The following CHSY3 variants were observed in gnomAD, a reference collection of about 807,000 sequenced individuals.
The protein encoded by CHSY3 is chondroitin sulfate synthase 3.
A neutral mutation model predicts 67.2 loss-of-function variants in CHSY3; 35 were observed. That is an observed-to-expected ratio of 0.52 (90% CI 0.40 to 0.69). The LOEUF (loss-of-function observed/expected upper bound fraction) is 0.69, where lower values mean the gene tolerates loss of function less well. CHSY3 is among the 30% of genes least tolerant of loss of function. The pLI is 0.00. For synonymous variants in CHSY3, 474 were observed against 434.7 expected, an observed-to-expected ratio of 1.09 and a Z score of -1.12; for missense variants, 1,069 against 1,138.5, an observed-to-expected ratio of 0.94 and a Z score of 0.88.
rs1007671970 is a variant in CHSY3 at position 130,167,950 on chromosome 5, G to A, written c.1087-16279G>A. Among the ~76,000 whole-genome samples, 3 of 152,046 alleles carry A rather than the reference G, an allele frequency of 2.0e-5. 1 individual carries two copies. Among genetic ancestry groups the A allele is most frequent in the African/African-American group, 7.2e-5 (3 of 41,420 alleles). ...CCAATATCAGACTGGGAATGGAAGA[G>A]CAGGTCTCAAAACCAAACCTGTGAC... On this transcript the variant is annotated intron_variant, in intron 2 of 2. Coordinates refer to ENST00000305031, the MANE Select transcript of CHSY3 (RefSeq NM_175856.5).
intron 2 of CHSY3, among the ~76,000 whole-genome samples, chr5:129,956,062 C>T (rs1762163057): frequency 6.6e-6 from 1 of 152,078 alleles, no homozygotes; most frequent in South Asian, 2.1e-4. Flanking sequence ...AATGGGATTG[C>T]TGGGTTGAAG....
intron 2 of CHSY3, among the ~76,000 whole-genome samples, chr5:130,008,548 G>A (rs1161379570): frequency 1.3e-5 from 2 of 152,142 alleles, no homozygotes; most frequent in African/African-American, 2.4e-5. Flanking sequence ...AGGAATCCTG[G>A]CAACTCTAAA....
At chr5:130,140,571 T>C (rs905938603) in intron 2 of CHSY3, 5 of 537,118 alleles carry the variant, frequency 9.3e-6, no homozygotes, top group African/African-American at 2.0e-5. Context: ...CTACTGCTTA[T>C]AGACAAAAAG....
chr5:130,018,734 T>C (rs1422675678), intron 2 of CHSY3, among the ~76,000 whole-genome samples: 4 of 152,202 alleles, frequency 2.6e-5, no homozygotes, highest in Non-Finnish European at 5.9e-5. Flanking sequence ...CGTTGAAATT[T>C]GATCCCTAGT....
chr5:129,985,973 C>T (rs897243911), intron 2 of CHSY3, among the ~76,000 whole-genome samples: 19 of 151,940 alleles, frequency 1.3e-4, no homozygotes, highest in Non-Finnish European at 1.9e-4. Flanking sequence ...ATATTATCTG[C>T]GAAGAGAGAT....
At position 129,908,268 on chromosome 5, in the gene CHSY3, T is replaced by A. The variant is rs1452949532; in HGVS notation, c.994T>A (p.Cys332Ser). 1 of 1,614,092 alleles carries A rather than the reference T, an allele frequency of 6.2e-7. No homozygotes were observed. The highest frequency in any genetic ancestry group is 2.2e-5 in the East Asian group (1 of 44,876). ...LRRMVPHIGE[C>S]LREMYTTHED... ...GAGGATGGTGCCACATATTGGTGAA[T>A]GCCTTAGAGAAATGTACACGACTCA... Residue 332 changes from cysteine (C) to serine (S), a missense_variant, in exon 2 of 3, where the codon TGC becomes AGC. Coordinates refer to ENST00000305031, the MANE Select transcript of CHSY3 (RefSeq NM_175856.5).
Position 129,905,319 on chromosome 5 carries a change from G to A in CHSY3, c.490G>A (p.Ala164Thr), listed in dbSNP as rs180709680. Residue 164 changes from alanine to threonine, a missense_variant, in exon 1 of 3, where the codon GCC becomes ACC. Physicochemically the swap from Ala to Thr is moderately conservative, Grantham distance 58. This residue lies in a region of CHSY3 where 309 missense variants were observed against 262.5 expected (regional missense o/e 1.18). Coordinates refer to ENST00000305031, the MANE Select transcript of CHSY3 (RefSeq NM_175856.5). ...HNGSGDGGAA[A>T]PSARPRDFLY... ...CGGCAGCGGGGACGGGGGCGCTGCC[G>A]CCCCGAGCGCCCGACCCCGGGACTT... The A allele has an allele frequency of 4.0e-3, 6,060 of 1,520,462 alleles. 200 individuals carry two copies. In the African/African-American group the frequency reaches 0.071, roughly 18 times the overall value. The allele number at this position is 1,520,462 out of a possible 1,614,324, so 94.2% of individuals were successfully genotyped here.
At chr5:130,048,726 T>C (rs1765230965) in intron 2 of CHSY3, among the ~76,000 whole-genome samples, 1 of 152,074 alleles carries the variant, frequency 6.6e-6, no homozygotes, top group Non-Finnish European at 1.5e-5. Flanking sequence ...GTATCTTTTC[T>C]ACAAGTTCTT....
intron 2 of CHSY3, among the ~76,000 whole-genome samples, chr5:130,124,457 C>CTTT (rs113386866): frequency 7.0e-6 from 1 of 142,658 alleles, no homozygotes; most frequent in African/African-American, 2.6e-5. Flanking sequence ...ACAGAGCGAA[C>CTTT]TTTTTTTTTT....
intron 2 of CHSY3, among the ~76,000 whole-genome samples, chr5:130,004,279 A>G (rs1459139059): frequency 6.6e-6 from 1 of 152,194 alleles, no homozygotes; most frequent in East Asian, 1.9e-4. Flanking sequence ...CACGCAACAT[A>G]AAGTTGACTG....
chr5:130,055,837 G>T (rs1372840251), intron 2 of CHSY3, among the ~76,000 whole-genome samples: 1 of 152,094 alleles, frequency 6.6e-6, no homozygotes, highest in African/African-American at 2.4e-5. Context: ...ATGCAGGGCA[G>T]TGGCAGTGGC....
intron 2 of CHSY3, among the ~76,000 whole-genome samples, chr5:130,132,068 C>T (rs531351082): frequency 3.3e-5 from 5 of 152,252 alleles, no homozygotes; most frequent in South Asian, 4.2e-4. Flanking sequence ...CAATTAATTT[C>T]CTTCCTACCA....
chr5:130,125,986 T>TG (rs1768270212), intron 2 of CHSY3, among the ~76,000 whole-genome samples: 1 of 152,024 alleles, frequency 6.6e-6, no homozygotes, highest in African/African-American at 2.4e-5. Flanking sequence ...TTTACATACT[T>TG]GCTTGACATA....
intron 2 of CHSY3, among the ~76,000 whole-genome samples, chr5:130,127,660 C>T (rs896244268): frequency 8.5e-5 from 13 of 152,170 alleles, no homozygotes; most frequent in Admixed American, 7.9e-4. Flanking sequence ...TAAACAGTCA[C>T]AAAGGTAATA....
chr5:130,155,983 C>T (rs1474500710), intron 2 of CHSY3, among the ~76,000 whole-genome samples: 1 of 152,196 alleles, frequency 6.6e-6, no homozygotes, highest in Non-Finnish European at 1.5e-5. Flanking sequence ...TTGAGAGCAG[C>T]TGTATCTGCT....
intron 2 of CHSY3, among the ~76,000 whole-genome samples, chr5:129,982,338 T>A (rs2149623470): frequency 6.6e-6 from 1 of 152,082 alleles, no homozygotes; most frequent in East Asian, 1.9e-4. Flanking sequence ...TCTAAAATGG[T>A]TGCCTTGGTT....
intron 2 of CHSY3, among the ~76,000 whole-genome samples, chr5:130,010,043 CTG>C (rs1441284468): frequency 6.6e-6 from 1 of 152,140 alleles, no homozygotes; most frequent in Non-Finnish European, 1.5e-5. Context: ...TAGTATGAAA[CTG>C]TAACACCCCA....
chr5:130,124,235 T>G (rs56952192), intron 2 of CHSY3, among the ~76,000 whole-genome samples: 22 of 151,992 alleles, frequency 1.4e-4, no homozygotes, highest in African/African-American at 5.1e-4. Context: ...AGGGCCAAAA[T>G]AGCTCCACAT....
At chr5:129,958,416 A>G (rs1762239403) in intron 2 of CHSY3, among the ~76,000 whole-genome samples, 1 of 152,170 alleles carries the variant, frequency 6.6e-6, no homozygotes, top group African/African-American at 2.4e-5. Flanking sequence ...ATTTAAAATT[A>G]TTCCTTGCAT....
Sources: gnomAD v4.1 joint callset for allele counts (sites outside exome capture counted in the v4.1 genomes callset) on GRCh38, gnomAD v4.1.1 for gene constraint, gnomAD v4.1.1 regional missense constraint, MANE v1.5 for transcripts, NCBI Gene and HGNC (gene_info 2026-07-23, HGNC 2026-07-21) for gene names.